Variants in DNAH5 observed in about 807,000 individuals in gnomAD.
DNAH5 encodes dynein axonemal heavy chain 5.
Under a neutral mutation model 518.2 loss-of-function variants are expected in DNAH5, and 372 were observed. The observed-to-expected ratio is 0.72, with a 90% CI of 0.66 to 0.78. The LOEUF (loss-of-function observed/expected upper bound fraction) is 0.78. Ranked by LOEUF, DNAH5 falls within the 30% of genes least tolerant of loss-of-function variation. The pLI is 0.00. For missense variants in DNAH5, 5,523 were observed against 5,687.0 expected, an observed-to-expected ratio of 0.97 and a Z score of 0.93; for synonymous variants, 2,039 against 2,025.9, an observed-to-expected ratio of 1.01 and a Z score of -0.17.
intron 15 of DNAH5, 22 bp downstream of exon 15, chr5:13,900,184 G>A (rs1561533207): frequency 6.3e-7 from 1 of 1,589,384 alleles, no homozygotes; most frequent in African/African-American, 1.3e-5. Context: ...AAGAATGGGG[G>A]GAAAAAATAA....
At chr5:13,847,825 G>A (rs1367928470) in intron 31 of DNAH5, among the ~76,000 whole-genome samples, 2 of 152,028 alleles carry the variant, frequency 1.3e-5, no homozygotes, top group Non-Finnish European at 2.9e-5. Flanking sequence ...ATGAGGAAGG[G>A]AGAGAAAAGC....
chr5:13,710,975 C>T (rs1486499702), intron 75 of DNAH5, among the ~76,000 whole-genome samples: 4 of 152,150 alleles, frequency 2.6e-5, no homozygotes, highest in Non-Finnish European at 5.9e-5. Context: ...TGACACTATT[C>T]TACAAGATAG....
chr5:13,991,039 G>A (rs922872094), intron 1 of DNAH5, among the ~76,000 whole-genome samples: 1 of 152,270 alleles, frequency 6.6e-6, no homozygotes, highest in African/African-American at 2.4e-5. Context: ...CCCTCTCAGA[G>A]CACAGTAGGT....
chr5:13,899,236 T>C (rs1208969184), intron 15 of DNAH5: 3 of 152,508 alleles, frequency 2.0e-5, no homozygotes, highest in African/African-American at 7.2e-5. Context: ...CGGCCATCCT[T>C]GGTCTCCTTG....
rs143202864 is a variant in DNAH5 at position 13,781,848 on chromosome 5, C to T, written c.8821-889G>A. ...AAGAAAGAAAATGAGCATAAACACC[C>T]TCCTATTACTTGGCAAAGACAGTGA... is the stretch of plus-strand genomic sequence containing the variant. On this transcript the variant is annotated intron_variant, in intron 52 of 78. Coordinates refer to ENST00000265104, the MANE Select transcript of DNAH5 (RefSeq NM_001369.3). 8.2e-4 allele frequency among the ~76,000 whole-genome samples: 125 copies of T among 152,208 alleles called. 1 individual carries two copies. Among genetic ancestry groups the T allele is most frequent in the African/African-American group, 2.6e-3 (106 of 41,532 alleles).
At chr5:13,944,320 C>T in intron 1 of DNAH5, 62 bp downstream of exon 1, 1 of 1,554,266 alleles carries the variant, frequency 6.4e-7, no homozygotes, top group Non-Finnish European at 8.9e-7. Flanking sequence ...GTTTTTTCCA[C>T]CCAGGTGTGA....
chr5:13,823,516 C>T (rs2151821883), intron 39 of DNAH5, 146 bp from the exon 40 acceptor site: 2 of 645,176 alleles, frequency 3.1e-6, no homozygotes, highest in Non-Finnish European at 5.5e-6. Context: ...AGTTAAGAAA[C>T]ATTTTCCTCA....
intron 73 of DNAH5, 50 bp downstream of exon 73, chr5:13,717,265 G>A: frequency 6.5e-7 from 1 of 1,538,604 alleles, no homozygotes. Context: ...TGAGCTTGAT[G>A]GCCCAAGCCC....
intron 76 of DNAH5, among the ~76,000 whole-genome samples, chr5:13,705,302 T>C (rs1210566739): frequency 6.6e-6 from 1 of 152,224 alleles, no homozygotes; most frequent in East Asian, 1.9e-4. Flanking sequence ...TGCAATGGAC[T>C]GTATTCTTGA....
intron 78 of DNAH5, among the ~76,000 whole-genome samples, chr5:13,699,957 A>G (rs548638647): frequency 2.6e-5 from 4 of 152,218 alleles, no homozygotes; most frequent in Non-Finnish European, 5.9e-5. Flanking sequence ...CATCAATCCA[A>G]TAACGGAAAA....
Position 13,811,673 on chromosome 5 carries a change from T to A in DNAH5, c.7381A>T (p.Met2461Leu). The change falls in exon 44 of 79, where the codon ATG becomes TTG. Residue 2461 changes from methionine to leucine, a missense_variant. By Grantham distance (15) the Met-to-Leu change is conservative (BLOSUM62 2). This residue lies in a region of DNAH5 where 5,121 missense variants were observed against 5,223.3 expected (regional missense o/e 0.98). Transcript: ENST00000265104. The stretch of plus-strand genomic sequence containing the variant: ...TTCAGAGGAATCAGGCCTTGAAGCA[T>A]GTTAATGCTCTGTGTGATGACAAAG... ...EAFVITQSIN[M>L]LQGLIPLKEQ... 2 of 1,614,162 alleles carry A rather than the reference T, an allele frequency of 1.2e-6. No homozygotes were observed. The highest frequency in any genetic ancestry group is 1.7e-6 in the Non-Finnish European group (2 of 1,180,012).
intron 66 of DNAH5, among the ~76,000 whole-genome samples, chr5:13,736,539 C>T (rs549970725): frequency 2.0e-5 from 3 of 151,840 alleles, no homozygotes; most frequent in Non-Finnish European, 2.9e-5. Flanking sequence ...GGATTACAGG[C>T]GCCCACCACC....
intron 75 of DNAH5, 42 bp downstream of exon 75, chr5:13,714,363 T>G: frequency 6.3e-7 from 1 of 1,598,620 alleles, no homozygotes; most frequent in Non-Finnish European, 8.6e-7. Flanking sequence ...ACCGAAGATA[T>G]GCAACCCCAG....
At chr5:13,771,181 A>G in intron 55 of DNAH5, 4 of 581,322 alleles carry the variant, frequency 6.9e-6, no homozygotes, top group South Asian at 2.0e-5. Flanking sequence ...ATATAAAACT[A>G]TAAAAACACT....
chr5:13,851,536 C>A (rs795521), intron 30 of DNAH5, among the ~76,000 whole-genome samples: 9,323 of 152,014 alleles, frequency 0.061, 298 homozygotes, highest in African/African-American at 0.078. Context: ...TCTTGAACTC[C>A]TGGGCTCAAG....
intron 56 of DNAH5, among the ~76,000 whole-genome samples, chr5:13,770,129 T>C (rs567717074): frequency 6.6e-6 from 1 of 152,222 alleles, no homozygotes; most frequent in African/African-American, 2.4e-5. Context: ...CTCCGAGTCA[T>C]TTCGTGTAAC....
At chr5:13,882,502 G>A (rs1182304649) in intron 21 of DNAH5, among the ~76,000 whole-genome samples, 1 of 152,100 alleles carries the variant, frequency 6.6e-6, no homozygotes, top group Non-Finnish European at 1.5e-5. Context: ...TGCAAGATTG[G>A]TTCAATATAT....
Position 13,942,174 on chromosome 5 carries a change from T to C in DNAH5, c.57+2208A>G, listed in dbSNP as rs149990710. ...AAATGAAAATAACGTGTGTTTATTA[T>C]ACAAGAGAAAAGATATATGGCTTGA... On this transcript the variant is annotated intron_variant, in intron 1 of 78. Coordinates refer to ENST00000265104, the MANE Select transcript of DNAH5 (RefSeq NM_001369.3). Among the ~76,000 whole-genome samples, 66 of 151,954 alleles carry C rather than the reference T, an allele frequency of 4.3e-4. No individual in the cohort carries two copies. In the East Asian group the frequency reaches 0.012, roughly 27 times the overall value.
chr5:13,862,830 A>T, intron 28 of DNAH5, 83 bp from the exon 29 acceptor site: 1 of 684,900 alleles, frequency 1.5e-6, no homozygotes. Flanking sequence ...CCCCATCTTC[A>T]CTATTTGCTT....
Sources: gnomAD v4.1 joint callset for allele counts (sites outside exome capture counted in the v4.1 genomes callset) on GRCh38, gnomAD v4.1.1 for gene constraint, gnomAD v4.1.1 regional missense constraint, MANE v1.5 for transcripts, NCBI Gene and HGNC (gene_info 2026-07-23, HGNC 2026-07-21) for gene names.